MCCC1: variants seen among roughly 807,000 people sequenced by gnomAD.
MCCC1 encodes the protein methylcrotonyl-CoA carboxylase subunit 1.
MCCC1 carries 64 observed loss-of-function variants against 83.8 expected under a neutral mutation model. The observed-to-expected ratio is 0.76, with a 90% CI of 0.62 to 0.94. The LOEUF (loss-of-function observed/expected upper bound fraction) is 0.94. MCCC1 is among the 40% of genes least tolerant of loss of function. MCCC1 has a pLI of 0.00. For missense variants in MCCC1, 807 were observed against 904.7 expected (o/e 0.89, Z 1.39); for synonymous variants, 322 against 315.4 (o/e 1.02, Z -0.22).
rs571091995 is a variant in MCCC1 at position 183,052,579 on chromosome 3, C to T, written c.874-339G>A. ...ATCCCAGCACTTTGGGAGGCTGAGG[C>T]GGGCGGATCACAAGGTCAGGAGATT... On this transcript the variant is annotated intron_variant, in intron 8 of 18. Coordinates refer to ENST00000265594, the MANE Select transcript of MCCC1 (RefSeq NM_020166.5). 1.2e-4 allele frequency among the ~76,000 whole-genome samples: 19 copies of T among 152,124 alleles called. No homozygotes were observed. The South Asian group carries it at 1.9e-3, about 15-fold the overall frequency.
chr3:183,062,259 A>G (rs1201673406), intron 7 of MCCC1, among the ~76,000 whole-genome samples: 6 of 152,098 alleles, frequency 3.9e-5, no homozygotes, highest in Non-Finnish European at 5.9e-5. Context: ...GTAAGAGGAA[A>G]CACTACAGCA....
intron 7 of MCCC1, among the ~76,000 whole-genome samples, chr3:183,062,549 T>A (rs1350996822): frequency 6.6e-6 from 1 of 152,000 alleles, no homozygotes; most frequent in Admixed American, 6.6e-5. Context: ...GAGACAGGGT[T>A]TCACCGTGTT....
upstream of MCCC1, chr3:183,099,541 G>T: frequency 7.3e-7 from 1 of 1,373,280 alleles, no homozygotes; most frequent in Non-Finnish European, 1.0e-6. Context: ...GACCCCCGCC[G>T]GCCACCGTCG....
intron 10 of MCCC1, among the ~76,000 whole-genome samples, chr3:183,044,073 A>C (rs1228743654): frequency 6.6e-6 from 1 of 152,190 alleles, no homozygotes; most frequent in African/African-American, 2.4e-5. Flanking sequence ...CAAGGAACCA[A>C]CAAAAGGAGT....
chr3:183,111,609 C>A (rs923935854), intron 1 of MCCC1, among the ~76,000 whole-genome samples: 2 of 152,154 alleles, frequency 1.3e-5, no homozygotes, highest in Admixed American at 1.3e-4. Flanking sequence ...CTTCAAATGA[C>A]CTTTGAAGAC....
chr3:183,062,350 G>GTT (rs71185626), intron 7 of MCCC1, among the ~76,000 whole-genome samples: 13 of 102,458 alleles, frequency 1.3e-4, no homozygotes, highest in Admixed American at 2.2e-4. Context: ...TGTTTTTTCA[G>GTT]TTTTTTTTTT....
At chr3:183,045,194 C>A (rs1382872500) in intron 10 of MCCC1, among the ~76,000 whole-genome samples, 1 of 151,250 alleles carries the variant, frequency 6.6e-6, no homozygotes, top group African/African-American at 2.4e-5. Flanking sequence ...ATTCTCCTGC[C>A]TCAGCCTCCT....
intron 4 of MCCC1, among the ~76,000 whole-genome samples, chr3:183,077,642 C>T (rs1351955274): frequency 6.6e-6 from 1 of 151,996 alleles, no homozygotes; most frequent in African/African-American, 2.4e-5. Flanking sequence ...TTTTCGTGAA[C>T]CTTTCTTATA....
intron 7 of MCCC1, among the ~76,000 whole-genome samples, chr3:183,063,139 A>T (rs1380326627): frequency 1.3e-5 from 2 of 151,102 alleles, no homozygotes. Context: ...GTCCACCACC[A>T]CACCTGGCTA....
chr3:183,072,938 T>C (rs544987550), intron 4 of MCCC1, among the ~76,000 whole-genome samples: 53 of 152,350 alleles, frequency 3.5e-4, no homozygotes, highest in African/African-American at 1.3e-3. Context: ...TGGAAGCGTA[T>C]AATAATTTGT....
intron 14 of MCCC1, among the ~76,000 whole-genome samples, chr3:183,029,974 G>A (rs1712915787): frequency 6.6e-6 from 1 of 152,054 alleles, no homozygotes; most frequent in South Asian, 2.1e-4. Context: ...CTCCTCCATG[G>A]ACGGCCTGAT....
chr3:183,017,448 G>T, intron 17 of MCCC1, 111 bp from the exon 18 acceptor site: 1 of 943,298 alleles, frequency 1.1e-6, no homozygotes, highest in Non-Finnish European at 1.7e-6. Flanking sequence ...ATAACATCAT[G>T]TTGCAAACCA....
At chr3:183,045,334 C>T (rs1264966052) in intron 10 of MCCC1, 79 bp downstream of exon 10, 7 of 1,567,238 alleles carry the variant, frequency 4.5e-6, no homozygotes, top group Admixed American at 3.4e-5. Flanking sequence ...CCTGCCTTGG[C>T]CTGCCAAAGT....
At chr3:183,042,575 CA>C (rs1159221382) in intron 10 of MCCC1, among the ~76,000 whole-genome samples, 2 of 152,058 alleles carry the variant, frequency 1.3e-5, no homozygotes, top group East Asian at 3.8e-4. Context: ...AAAACAGAAG[CA>C]AAAGTTTCAT....
chr3:183,029,364 G>A (rs960760697), intron 14 of MCCC1, among the ~76,000 whole-genome samples: 1 of 152,116 alleles, frequency 6.6e-6, no homozygotes, highest in African/African-American at 2.4e-5. Flanking sequence ...GACTTAAGAC[G>A]AACATGGCGG....
At chr3:183,029,844 G>A (rs1307665899) in intron 14 of MCCC1, among the ~76,000 whole-genome samples, 1 of 152,088 alleles carries the variant, frequency 6.6e-6, no homozygotes, top group Non-Finnish European at 1.5e-5. Flanking sequence ...TGAATCTGAG[G>A]AGGTCCTCTG....
chr3:183,031,734 G>A (rs1713093967), intron 14 of MCCC1, among the ~76,000 whole-genome samples: 1 of 151,364 alleles, frequency 6.6e-6, no homozygotes, highest in Admixed American at 6.6e-5. Flanking sequence ...TCCTGACCTC[G>A]TGATCCACCT....
rs1436120188 is a variant in MCCC1, at chr3:183,064,457, G to A, written c.761+6542C>T. Among the ~76,000 whole-genome samples the A allele has an allele frequency of 1.1e-4, 16 of 152,156 alleles. No individual in the cohort carries two copies. The highest frequency in any genetic ancestry group is 9.2e-4 in the Admixed American group (14 of 15,278). On this transcript the variant is annotated intron_variant, in intron 7 of 18. Coordinates refer to ENST00000265594, the MANE Select transcript of MCCC1 (RefSeq NM_020166.5). The surrounding 1 kb of genome is among the most constrained non-coding windows in gnomAD (Gnocchi z 4.5). Reference sequence around the variant, plus strand: ...CCTCGCTCCAGGAGACGCTTGGTGGGCACCCAGGAAGCTCCGTAAAGGCTT... The same window carrying A: ...CCTCGCTCCAGGAGACGCTTGGTGGACACCCAGGAAGCTCCGTAAAGGCTT...
chr3:183,016,730 C>T (rs1488162537), intron 18 of MCCC1, among the ~76,000 whole-genome samples: 1 of 152,216 alleles, frequency 6.6e-6, no homozygotes, highest in East Asian at 1.9e-4. Context: ...CTGAAAAATC[C>T]TTAATTGAAC....
Sources: gnomAD v4.1 joint callset for allele counts (sites outside exome capture counted in the v4.1 genomes callset) on GRCh38, gnomAD v4.1.1 for gene constraint, Gnocchi (gnomAD v3.1) non-coding constraint, MANE v1.5 for transcripts, NCBI Gene and HGNC (gene_info 2026-07-23, HGNC 2026-07-21) for gene names.